The following AP1M2 variants were observed in gnomAD, a reference collection of about 807,000 sequenced individuals.
AP1M2 encodes the protein AP-1 complex subunit mu-2.
Under a neutral mutation model 54.6 loss-of-function variants are expected in AP1M2, and 41 were observed. That is an observed-to-expected ratio of 0.75 (90% CI 0.59 to 0.97). The LOEUF is 0.97. AP1M2 is among the 50% of genes least tolerant of loss of function. The pLI is 0.00. For missense variants in AP1M2, 507 were observed against 561.2 expected (o/e 0.90, Z 0.98); for synonymous variants, 219 against 215.9 (o/e 1.01, Z -0.13).
chr19:10,584,053 G>A lies in AP1M2; in HGVS notation c.60C>T (p.Asn20=). The stretch of plus-strand genomic sequence containing the variant: ...TGCTCATGGCCACATCGCCCTTGTA[G>A]TTGCGGCTGATCAATGGCTGAGGGT... ...DVKGKPLISR[N]YKGDVAMSKI... The change falls in exon 2 of 12, where the codon AAC becomes AAT. Residue 20 remains asparagine (N), a synonymous_variant. Transcript: ENST00000250244. 1 of 1,610,742 alleles carries A rather than the reference G, an allele frequency of 6.2e-7. No individual in the cohort carries two copies. Among genetic ancestry groups the A allele is most frequent in the South Asian group, 1.1e-5 (1 of 90,220 alleles).
intron 8 of AP1M2, among the ~76,000 whole-genome samples, chr19:10,577,734 CTTT>C (rs61052727): frequency 1.9e-4 from 22 of 113,512 alleles, no homozygotes; most frequent in African/African-American, 6.7e-4. Flanking sequence ...CATGCTTGGC[CTTT>C]TTTTTTTTTT....
intron 1 of AP1M2, among the ~76,000 whole-genome samples, chr19:10,585,243 AGAAG>A (rs1326476535): frequency 1.2e-5 from 1 of 81,282 alleles, no homozygotes; most frequent in African/African-American, 4.4e-5. Context: ...AAAGAAAGAA[AGAAG>A]GAAAGAAGGA....
At chr19:10,584,658 A>G (rs940942377) in intron 1 of AP1M2, among the ~76,000 whole-genome samples, 1 of 137,266 alleles carries the variant, frequency 7.3e-6, no homozygotes, top group Non-Finnish European at 1.5e-5. Context: ...GTAGGAGGGA[A>G]GGAAGGAAGG....
rs1822889974 is a variant in AP1M2 at position 10,574,812 on chromosome 19, G to T, written c.1173+92C>A. On this transcript the variant is annotated intron_variant, in intron 10 of 11. Transcript: ENST00000250244. ...AGCCTTCAGAGGAGTGTTGACACAG[G>T]CCAGGGGACTGAGGTGACTCGAGCC... 26 of 1,450,378 alleles carry T rather than the reference G, an allele frequency of 1.8e-5. No individual in the cohort carries two copies. The South Asian group carries it at 3.6e-4, about 20-fold the overall frequency. 89.8% of individuals were successfully genotyped at this position (1,450,378 alleles called of 1,614,324 possible). A position where few individuals can be genotyped will look rare whatever the true frequency, so the allele number is the denominator to read the frequency against.
rs1827109123 is a variant in AP1M2 at position 10,577,293 on chromosome 19, T to C, written c.952A>G (p.Ser318Gly). ...NGVEISVPVPSDADSPRFKTS... is the reference protein window; with the variant it reads ...NGVEISVPVPGDADSPRFKTS... ...TTGAATCTGGGGGAGTCGGCATCGC[T>C]GGGTACAGGCACAGATATCTCCACA... Residue 318 changes from serine (S) to glycine (G), a missense_variant, in exon 9 of 12, where the codon AGC becomes GGC. Transcript: ENST00000250244. The C allele has an allele frequency of 3.1e-6, 5 of 1,612,338 alleles. No homozygotes were observed. The highest frequency in any genetic ancestry group is 4.2e-6 in the Non-Finnish European group (5 of 1,179,284).
At chr19:10,577,480 C>A in intron 8 of AP1M2, 124 bp from the exon 9 acceptor site, 1 of 1,062,186 alleles carries the variant, frequency 9.4e-7, no homozygotes, top group South Asian at 1.7e-5. Flanking sequence ...GTCGCCCAGG[C>A]TGGAGTGCAG....
chr19:10,586,315 C>T (rs896761916), intron 1 of AP1M2, among the ~76,000 whole-genome samples: 6 of 149,164 alleles, frequency 4.0e-5, no homozygotes, highest in African/African-American at 1.2e-4. Flanking sequence ...ATTAGCCAGG[C>T]ATGGTGGCAT....
chr19:10,574,121 C>T (rs1458485594), intron 11 of AP1M2, among the ~76,000 whole-genome samples: 1 of 152,146 alleles, frequency 6.6e-6, no homozygotes, highest in Non-Finnish European at 1.5e-5. Context: ...CTCCCGGGTT[C>T]AAGCAATTCT....
chr19:10,575,451 C>T (rs1258727281), intron 9 of AP1M2, among the ~76,000 whole-genome samples: 1 of 152,118 alleles, frequency 6.6e-6, no homozygotes, highest in East Asian at 1.9e-4. Context: ...ATCATGGGGA[C>T]AAACCAAAAC....
intron 9 of AP1M2, among the ~76,000 whole-genome samples, chr19:10,575,932 AT>A (rs34986004): frequency 0.25 from 34,205 of 134,788 alleles, 4,705 homozygotes; most frequent in East Asian, 0.61. Flanking sequence ...CGCCCAGCTA[AT>A]TTTTTTTTTT....
chr19:10,585,301 AAGAAAGAAAGAAAGAAAGAAAGAAAG>A (rs1318514748), intron 1 of AP1M2, among the ~76,000 whole-genome samples: 1 of 142,406 alleles, frequency 7.0e-6, no homozygotes, highest in Admixed American at 7.0e-5. Flanking sequence ...GAAAGAAAGA[AAGAAAGAAAGAAAGAAAGAAAGAAAG>A]AAAGAAAGAA....
At chr19:10,576,551 C>T (rs1184496308) in intron 9 of AP1M2, among the ~76,000 whole-genome samples, 3 of 151,844 alleles carry the variant, frequency 2.0e-5, no homozygotes, top group African/African-American at 4.8e-5. Context: ...CGTGAGCCAC[C>T]GTGCCCTGCC....
rs1285690543 is a variant in AP1M2 at position 10,581,628 on chromosome 19, G to A, written c.405C>T (p.Ile135=). 2 of 1,613,946 alleles carry A rather than the reference G, an allele frequency of 1.2e-6. No individual in the cohort carries two copies. Among genetic ancestry groups the A allele is most frequent in the East Asian group, 4.5e-5 (2 of 44,856 alleles). The change falls in exon 5 of 12, where the codon ATC becomes ATT. Residue 135 remains isoleucine (I), a synonymous_variant. Coordinates refer to ENST00000250244, the MANE Select transcript of AP1M2 (RefSeq NM_005498.5). ...TCTCCAGCTTGTTGCTCTGCTGAGT[G>A]ATGTACCTGGAGGGAGGGCGGCAGG... ...TTDSKILQEY[I]TQQSNKLETG...
rs1917644375 is a variant in AP1M2, at chr19:10,586,021, T to C, written c.42+1169A>G. On this transcript the variant is annotated intron_variant, in intron 1 of 11. Transcript: ENST00000250244. ...GGGTGCGGCCGGGCGCAGTGGCTCATGTCTGTAATCCCAGCACTTTGGGAG... is the reference window on the plus strand; with the variant it reads ...GGGTGCGGCCGGGCGCAGTGGCTCACGTCTGTAATCCCAGCACTTTGGGAG... Among the ~76,000 whole-genome samples the C allele has an allele frequency of 2.0e-5, 3 of 151,964 alleles. No homozygotes were observed. The South Asian group carries it at 6.2e-4, about 32-fold the overall frequency.
At chr19:10,586,672 T>G (rs1221143961) in intron 1 of AP1M2, among the ~76,000 whole-genome samples, 1 of 151,966 alleles carries the variant, frequency 6.6e-6, no homozygotes, top group African/African-American at 2.4e-5. Context: ...AATTCCAGGC[T>G]GCAGTGAGCT....
At chr19:10,579,901 G>A in intron 6 of AP1M2, 43 bp from the exon 7 acceptor site, 3 of 1,547,210 alleles carry the variant, frequency 1.9e-6, no homozygotes, top group Non-Finnish European at 8.8e-7. Flanking sequence ...CTGGGAACCA[G>A]GAAAGGATCC....
At chr19:10,576,355 C>T (rs1178609015) in intron 9 of AP1M2, among the ~76,000 whole-genome samples, 2 of 151,072 alleles carry the variant, frequency 1.3e-5, no homozygotes, top group African/African-American at 4.9e-5. Flanking sequence ...CTCCACCTCC[C>T]GAGTTCAGGC....
chr19:10,586,009 C>T (rs992372006), intron 1 of AP1M2, among the ~76,000 whole-genome samples: 6 of 152,068 alleles, frequency 3.9e-5, no homozygotes, highest in African/African-American at 1.4e-4. Context: ...TGCGGCCGGG[C>T]GCAGTGGCTC....
rs759874264 is a variant in AP1M2, at chr19:10,574,967, C to A, written c.1110G>T (p.Val370=). The change falls in exon 10 of 12, where the codon GTG becomes GTT. Residue 370 remains valine (V), a synonymous_variant. Coordinates refer to ENST00000250244, the MANE Select transcript of AP1M2 (RefSeq NM_005498.5). ...FGLPSVEKEE[V]EGRPPIGVKF... ...TGACCCCGATGGGGGGCCGGCCCTC[C>A]ACCTCTTCCTTTTCCACACTGGGGA... 6.3e-7 allele frequency: 1 copy of A among 1,584,342 alleles called. No individual in the cohort carries two copies. The highest frequency in any genetic ancestry group is 1.4e-5 in the African/African-American group (1 of 73,988).
Sources: allele counts gnomAD v4.1 joint callset (sites outside exome capture counted in the v4.1 genomes callset), GRCh38; gene constraint gnomAD v4.1.1; transcripts MANE v1.5; gene names NCBI Gene and HGNC (gene_info 2026-07-23, HGNC 2026-07-21).